The following NECAP1 variants were observed in gnomAD, a reference collection of about 807,000 sequenced individuals.
The protein encoded by NECAP1 is adaptin ear-binding coat-associated protein 1.
A neutral mutation model predicts 33.4 loss-of-function variants in NECAP1; 13 were observed. The ratio of observed to expected loss-of-function variants is 0.39; its 90% CI spans 0.25 to 0.62. The LOEUF is 0.62. Ranked by LOEUF, NECAP1 falls within the 20% of genes least tolerant of loss-of-function variation. The pLI is 0.52. For synonymous variants in NECAP1, 109 were observed against 125.2 expected (o/e 0.87, Z 0.86); for missense variants, 272 against 347.4 (o/e 0.78, Z 1.73).
intron 7 of NECAP1, 105 bp downstream of exon 7, chr12:8,095,808 T>C (rs914714874): frequency 8.0e-7 from 1 of 1,248,954 alleles, no homozygotes; most frequent in African/African-American, 1.5e-5. Flanking sequence ...GCAGGTCACA[T>C]AGAGTCTTTT....
chr12:8,083,777 C>A (rs771929432), intron 1 of NECAP1, among the ~76,000 whole-genome samples: 9 of 128,062 alleles, frequency 7.0e-5, no homozygotes, highest in African/African-American at 1.2e-4. Context: ...CTCGTTCTAT[C>A]ATCCAGGCTG....
In NECAP1 at chr12:8,096,359, G is replaced by A. The variant is rs1364287522; in HGVS notation, c.*269G>A. On this transcript the variant is annotated 3_prime_UTR_variant, in exon 8 of 8. Coordinates refer to ENST00000339754, the MANE Select transcript of NECAP1 (RefSeq NM_015509.4). Reference sequence around the variant, plus strand: ...TCATAGTTTTGGCTGACTATGCAGGGCTTAAAAGGCCAGCGTCTGTTTGAG... The same window carrying A: ...TCATAGTTTTGGCTGACTATGCAGGACTTAAAAGGCCAGCGTCTGTTTGAG... The A allele has an allele frequency of 5.4e-6, 2 of 372,848 alleles. No individual in the cohort carries two copies. Among genetic ancestry groups the A allele is most frequent in the East Asian group, 4.1e-5 (1 of 24,290 alleles). The allele number at this position is 372,848 out of a possible 1,614,324, so 23.1% of individuals were successfully genotyped here.
chr12:8,085,319 A>G (rs1947478163), intron 1 of NECAP1, among the ~76,000 whole-genome samples: 1 of 152,060 alleles, frequency 6.6e-6, no homozygotes, highest in Non-Finnish European at 1.5e-5. Flanking sequence ...CACCCGGCCT[A>G]CTTCAAGCTT....
chr12:8,085,686 C>CTTTTTTTTTTTTTTTTT (rs554942626), intron 1 of NECAP1, among the ~76,000 whole-genome samples: 2 of 104,810 alleles, frequency 1.9e-5, no homozygotes, highest in African/African-American at 4.2e-5. Context: ...ACTTAATCTT[C>CTTTTTTTTTTTTTTTTT]TTTTTTTTTT....
Position 8,085,302 on chromosome 12 carries a change from G to A in NECAP1, c.95+2919G>A, listed in dbSNP as rs186404132. ...CAAAGTGCTGGGATTACAGGCGTGA[G>A]CCACCGCACCCGGCCTACTTCAAGC... On this transcript the variant is annotated intron_variant, in intron 1 of 7. Coordinates refer to ENST00000339754, the MANE Select transcript of NECAP1 (RefSeq NM_015509.4). 2.6e-3 allele frequency among the ~76,000 whole-genome samples: 400 copies of A among 151,534 alleles called. 1 individual carries two copies. Among genetic ancestry groups the A allele is most frequent in the Non-Finnish European group, 3.5e-3 (238 of 67,502 alleles).
chr12:8,095,090 A>G (rs1169586583), intron 6 of NECAP1, among the ~76,000 whole-genome samples: 1 of 152,228 alleles, frequency 6.6e-6, no homozygotes, highest in African/African-American at 2.4e-5. Flanking sequence ...GCTGAATAGT[A>G]TTCCATGGTA....
chr12:8,095,243 T>G (rs1947583951), intron 6 of NECAP1: 1 of 146,230 alleles, frequency 6.8e-6, no homozygotes, highest in Admixed American at 6.7e-5. Flanking sequence ...AGATTTTTTT[T>G]TTTTTTTTTT....
chr12:8,084,102 A>G (rs2120456194), intron 1 of NECAP1, among the ~76,000 whole-genome samples: 1 of 152,030 alleles, frequency 6.6e-6, no homozygotes, highest in Admixed American at 6.5e-5. Flanking sequence ...TCCTCCTGGC[A>G]TTTATCATTA....
At chr12:8,084,584 C>T (rs776885686) in intron 1 of NECAP1, among the ~76,000 whole-genome samples, 1 of 152,038 alleles carries the variant, frequency 6.6e-6, no homozygotes, top group Admixed American at 6.6e-5. Context: ...GTGTTGTTCC[C>T]CTCCCTGTGC....
At chr12:8,093,872 C>G (rs1422659790) in intron 6 of NECAP1, 1 of 152,230 alleles carries the variant, frequency 6.6e-6, no homozygotes, top group Non-Finnish European at 1.5e-5. Context: ...TGTTATTAAA[C>G]TTTCCCATTT....
Position 8,090,179 on chromosome 12 carries a change from T to C in NECAP1, c.197-16T>C, listed in dbSNP as rs367687350. The C allele has an allele frequency of 6.8e-6, 11 of 1,613,518 alleles. 1 individual carries two copies. The highest frequency in any genetic ancestry group is 3.3e-4 in the Middle Eastern group (2 of 6,080). The stretch of plus-strand genomic sequence containing the variant: ...TGGCTTGCTTTACTCAAAAAAGTCT[T>C]TCTCTTATCTGTCAGGGGAGCTCTT... On this transcript the variant is annotated splice_polypyrimidine_tract_variant and intron_variant, in intron 2 of 7. Transcript: ENST00000339754.
chr12:8,092,455 A>G (rs1947558185), intron 4 of NECAP1: 3 of 489,014 alleles, frequency 6.1e-6, no homozygotes, highest in African/African-American at 2.0e-5. Flanking sequence ...GGAAGGGGCA[A>G]TTCTAATACG....
chr12:8,094,886 C>G (rs928843383), intron 6 of NECAP1: 1 of 152,460 alleles, frequency 6.6e-6, no homozygotes, highest in African/African-American at 2.4e-5. Context: ...CCATCTCCCT[C>G]TCATCCTTTC....
At chr12:8,087,675 C>G (rs900496243) in intron 1 of NECAP1, among the ~76,000 whole-genome samples, 1 of 151,856 alleles carries the variant, frequency 6.6e-6, no homozygotes, top group Non-Finnish European at 1.5e-5. Flanking sequence ...GCGTGAGCCA[C>G]GGTGCCTGGC....
Position 8,092,627 on chromosome 12 carries a change from T to A in NECAP1, c.384-49T>A, listed in dbSNP as rs763088200. On this transcript the variant is annotated intron_variant, in intron 4 of 7. Coordinates refer to ENST00000339754, the MANE Select transcript of NECAP1 (RefSeq NM_015509.4). The stretch of plus-strand genomic sequence containing the variant: ...ATACACCCAAATTTGTATGTCAGAC[T>A]CTGCTTTCAGGAAATCTCAAACTAA... The A allele has an allele frequency of 2.1e-6, 3 of 1,435,896 alleles. No individual in the cohort carries two copies. The East Asian group carries it at 7.0e-5, about 33-fold the overall frequency. 88.9% of individuals were successfully genotyped at this position (1,435,896 alleles called of 1,614,324 possible).
At chr12:8,090,359 T>C in intron 3 of NECAP1, 60 bp downstream of exon 3, 3 of 1,388,750 alleles carry the variant, frequency 2.2e-6, no homozygotes, top group Non-Finnish European at 3.1e-6. Context: ...TGCACAGCCA[T>C]GAAAAGTGTT....
chr12:8,082,504 C>T, intron 1 of NECAP1, 121 bp downstream of exon 1: 2 of 879,010 alleles, frequency 2.3e-6, no homozygotes, highest in Non-Finnish European at 3.6e-6. Flanking sequence ...TGCTAGCCTC[C>T]CTACCTGGGT....
chr12:8,089,876 G>A (rs1947526532), intron 1 of NECAP1, 60 bp from the exon 2 acceptor site: 2 of 1,202,980 alleles, frequency 1.7e-6, no homozygotes, highest in Admixed American at 3.5e-5. Context: ...GTCAAAGATT[G>A]TGGGTGGGCG....
intron 7 of NECAP1, 163 bp downstream of exon 7, chr12:8,095,866 CA>C (rs771859656): frequency 1.8e-5 from 20 of 1,082,314 alleles, no homozygotes; most frequent in Non-Finnish European, 2.4e-5. Context: ...AATGGGGGGA[CA>C]AAAAAGCTGT....
Sources: gnomAD v4.1 joint callset for allele counts (sites outside exome capture counted in the v4.1 genomes callset) on GRCh38, gnomAD v4.1.1 for gene constraint, MANE v1.5 for transcripts, NCBI Gene and HGNC (gene_info 2026-07-23, HGNC 2026-07-21) for gene names.